The following EFNB1 variants were observed in gnomAD, a reference collection of about 807,000 sequenced individuals.
EFNB1 encodes ephrin-B1.
In EFNB1, 1 loss-of-function variant was observed where a neutral mutation model predicts 18.1. The observed-to-expected ratio is 0.06, with a 90% confidence interval of 0.02 to 0.26. EFNB1 has a LOEUF of 0.26. Ranked by LOEUF, EFNB1 falls within the 10% of genes least tolerant of loss-of-function variation. The pLI is 1.00. For missense variants in EFNB1, 221 were observed against 301.8 expected, an observed-to-expected ratio of 0.73 and a Z score of 1.98; for synonymous variants, 131 against 127.5, an observed-to-expected ratio of 1.03 and a Z score of -0.19.
chrX:68,833,923 G>A (rs1343570305), intron 1 of EFNB1, among the ~76,000 whole-genome samples: 1 of 112,495 alleles, frequency 8.9e-6, no homozygotes. Flanking sequence ...GCATATGCCC[G>A]GACAAGGGAA....
At chrX:68,833,935 T>C (rs1409242320) in intron 1 of EFNB1, among the ~76,000 whole-genome samples, 1 of 112,480 alleles carries the variant, frequency 8.9e-6, no homozygotes, top group African/African-American at 3.2e-5. Context: ...ACAAGGGAAG[T>C]GACTTGTCTA....
At chrX:68,834,561 G>A (rs1002003280) in intron 1 of EFNB1, among the ~76,000 whole-genome samples, 3 of 113,139 alleles carry the variant, frequency 2.7e-5, no homozygotes, top group East Asian at 2.8e-4. Flanking sequence ...TGCCAGCCTC[G>A]GGGGCTGGGT....
chrX:68,829,941 GGCA>G (rs2080440039), intron 1 of EFNB1, 37 bp downstream of exon 1: 1 of 1,165,765 alleles, frequency 8.6e-7, no homozygotes, highest in Admixed American at 2.6e-5. Context: ...TGGGGTGGGA[GGCA>G]CTCCTTCAGG....
intron 1 of EFNB1, among the ~76,000 whole-genome samples, chrX:68,837,226 C>T (rs996621060): frequency 8.9e-6 from 1 of 111,809 alleles, no homozygotes; most frequent in Non-Finnish European, 1.9e-5. Context: ...TTCCTGTTTC[C>T]CCTCCAAAAT....
rs1373344087 is a variant in EFNB1, at chrX:68,829,876, C to G, written c.100C>G (p.Pro34Ala). Residue 34 changes from proline to alanine, a missense_variant, in exon 1 of 5, where the codon CCC (proline) becomes GCC (alanine). By Grantham distance (27) the Pro-to-Ala change is conservative. Coordinates refer to ENST00000204961, the MANE Select transcript of EFNB1 (RefSeq NM_004429.5). ...CACACCGCTGGCCAAGAACCTGGAGCCCGTATCCTGGAGCTCCCTCAACCC... is the reference window on the plus strand; with the variant it reads ...CACACCGCTGGCCAAGAACCTGGAGGCCGTATCCTGGAGCTCCCTCAACCC... ...LATPLAKNLEPVSWSSLNPKF... is the reference protein window; with the variant it reads ...LATPLAKNLEAVSWSSLNPKF... The G allele has an allele frequency of 5.1e-6, 6 of 1,168,654 alleles. No homozygotes were observed. Among genetic ancestry groups the G allele is most frequent in the Non-Finnish European group, 5.7e-6 (5 of 873,848 alleles).
intron 1 of EFNB1, among the ~76,000 whole-genome samples, chrX:68,835,769 G>T (rs1031263132): frequency 1.8e-5 from 2 of 111,832 alleles, no homozygotes; most frequent in Non-Finnish European, 3.8e-5. Flanking sequence ...GAGACTCTGA[G>T]GGGTTTTGGG....
chrX:68,830,280 C>T (rs972690027), intron 1 of EFNB1, among the ~76,000 whole-genome samples: 2 of 112,053 alleles, frequency 1.8e-5, no homozygotes, highest in African/African-American at 3.2e-5. Flanking sequence ...CCGAGAGCCG[C>T]TCCAGGAGCG....
chrX:68,837,886 G>A (rs1028816274), intron 1 of EFNB1, among the ~76,000 whole-genome samples: 12 of 112,371 alleles, frequency 1.1e-4, no homozygotes, highest in African/African-American at 3.6e-4. Context: ...TGCATTTTGA[G>A]GGTGGGATGA....
intron 1 of EFNB1, among the ~76,000 whole-genome samples, chrX:68,832,619 G>T (rs1325349190): frequency 8.9e-6 from 1 of 111,807 alleles, no homozygotes; most frequent in Non-Finnish European, 1.9e-5. Flanking sequence ...ACTGAGAGGG[G>T]AAGCGGGAAT....
chrX:68,840,366 C>A lies in EFNB1; in HGVS notation c.753C>A (p.Phe251Leu). ...CTGTCGGTGCCGGTTGCGTCATCTT[C>A]CTGCTCATCATCATCTTCCTGACGG... ...FAAVGAGCVI[F>L]LLIIIFLTVL... The change falls in exon 5 of 5, where the codon TTC (phenylalanine) becomes TTA (leucine). Residue 251 changes from phenylalanine to leucine, a missense_variant. By Grantham distance (22) the Phe-to-Leu change is conservative (BLOSUM62 0). Coordinates refer to ENST00000204961, the MANE Select transcript of EFNB1 (RefSeq NM_004429.5). 1 of 1,211,971 alleles carries A rather than the reference C, an allele frequency of 8.3e-7. No homozygotes were observed.
At chrX:68,837,002 T>G (rs1001676351) in intron 1 of EFNB1, among the ~76,000 whole-genome samples, 1 of 111,642 alleles carries the variant, frequency 9.0e-6, no homozygotes, top group African/African-American at 3.3e-5. Context: ...TAAGACCCAC[T>G]TTCATCCTGC....
chrX:68,830,794 G>A (rs1041424729), intron 1 of EFNB1, among the ~76,000 whole-genome samples: 1 of 112,704 alleles, frequency 8.9e-6, no homozygotes, highest in African/African-American at 3.2e-5. Context: ...CAAGGGGTTG[G>A]GGCGGGGAGT....
At chrX:68,831,957 G>T (rs767022972) in intron 1 of EFNB1, among the ~76,000 whole-genome samples, 1 of 110,289 alleles carries the variant, frequency 9.1e-6, no homozygotes, top group Admixed American at 9.6e-5. Context: ...TCCTGGGAAG[G>T]ATCAGAGACT....
At chrX:68,836,255 G>A (rs969000239) in intron 1 of EFNB1, among the ~76,000 whole-genome samples, 1 of 111,866 alleles carries the variant, frequency 8.9e-6, no homozygotes, top group African/African-American at 3.3e-5. Flanking sequence ...TGTGAGCACT[G>A]GAAAGGGAAA....
intron 1 of EFNB1, among the ~76,000 whole-genome samples, chrX:68,834,349 G>C (rs1012145855): frequency 2.7e-5 from 3 of 112,458 alleles, no homozygotes; most frequent in African/African-American, 6.5e-5. Flanking sequence ...AGGAGGGGGG[G>C]TATTAAATTC....
chrX:68,832,624 G>T (rs1036513217), intron 1 of EFNB1, among the ~76,000 whole-genome samples: 10 of 111,707 alleles, frequency 9.0e-5, no homozygotes, highest in Admixed American at 8.5e-4. Flanking sequence ...GAGGGGAAGC[G>T]GGAATGGCTG....
chrX:68,830,779 T>G (rs1008200180), intron 1 of EFNB1, among the ~76,000 whole-genome samples: 2 of 112,857 alleles, frequency 1.8e-5, no homozygotes, highest in Non-Finnish European at 3.8e-5. Flanking sequence ...GTGCTTAGTT[T>G]TCCCCAAGGG....
intron 1 of EFNB1, among the ~76,000 whole-genome samples, chrX:68,835,066 G>A (rs752568903): frequency 8.9e-6 from 1 of 112,248 alleles, no homozygotes; most frequent in East Asian, 2.8e-4. Context: ...CTTTGTGGCA[G>A]TGATGGCATC....
At chrX:68,836,402 G>A (rs1602669244) in intron 1 of EFNB1, among the ~76,000 whole-genome samples, 1 of 112,060 alleles carries the variant, frequency 8.9e-6, no homozygotes, top group Admixed American at 9.4e-5. Flanking sequence ...TCTATAGTTA[G>A]GTACCAGTGG....
Sources: gnomAD v4.1 joint callset for allele counts (sites outside exome capture counted in the v4.1 genomes callset) on GRCh38, gnomAD v4.1.1 for gene constraint, MANE v1.5 for transcripts, NCBI Gene and HGNC (gene_info 2026-07-23, HGNC 2026-07-21) for gene names.